Variants in EPS8L1 observed in about 807,000 individuals in gnomAD.
The protein encoded by EPS8L1 is epidermal growth factor receptor kinase substrate 8-like protein 1.
Under a neutral mutation model 91.7 loss-of-function variants are expected in EPS8L1, and 101 were observed. The observed-to-expected ratio is 1.10, with a 90% CI of 0.94 to 1.30. The LOEUF is 1.30. EPS8L1 is among the 50% of genes most tolerant of loss of function. The probability of loss-of-function intolerance (pLI) is 0.00; values close to 1 mark genes in which losing one functional copy is unlikely to be tolerated. For missense variants in EPS8L1, 1,114 were observed against 1,017.0 expected (o/e 1.10, Z -1.30); for synonymous variants, 506 against 445.3 (o/e 1.14, Z -1.72).
rs1387737879 is a variant in EPS8L1 at position 55,085,688 on chromosome 19, T to C, written c.1386-153T>C. On this transcript the variant is annotated intron_variant, in intron 14 of 19. Transcript: ENST00000201647. ...ACGGAGGGAGCAAATATATTCAGTC[T>C]GTTATTCTTGTTTCAAATTTCTATT... The C allele has an allele frequency of 5.8e-6, 5 of 866,206 alleles. No individual in the cohort carries two copies. The African/African-American group carries it at 8.4e-5, about 15-fold the overall frequency. 53.7% of individuals were successfully genotyped at this position (866,206 alleles called of 1,614,324 possible).
rs1019152509 is a variant in EPS8L1, at chr19:55,081,248, T to C, written c.530T>C (p.Leu177Ser). 1.1e-5 allele frequency: 17 copies of C among 1,517,864 alleles called. No homozygotes were observed. Among genetic ancestry groups the C allele is most frequent in the East Asian group, 9.5e-5 (4 of 41,976 alleles). 94.0% of individuals were successfully genotyped at this position (1,517,864 alleles called of 1,614,324 possible). ...CTCCGCAGGGCCACGCAGGAGGAGT[T>C]GCAGCGCGACCGCTCGCCCGCCGCT... is the stretch of plus-strand genomic sequence containing the variant. ...AAALRATQEELQRDRSPAAET... is the reference protein window; with the variant it reads ...AAALRATQEESQRDRSPAAET... The change falls in exon 8 of 20, where the codon TTG becomes TCG. Residue 177 changes from leucine (L) to serine (S), a missense_variant. Coordinates refer to ENST00000201647, the MANE Select transcript of EPS8L1 (RefSeq NM_133180.3). This position sits in a 1 kb window ranked among gnomAD's most constrained non-coding sequence, Gnocchi z 4.9.
intron 16 of EPS8L1, 99 bp downstream of exon 16, chr19:55,086,291 A>T (rs1436591053): frequency 6.2e-7 from 1 of 1,611,794 alleles, no homozygotes; most frequent in Non-Finnish European, 8.5e-7. Flanking sequence ...GTGCTGGAGC[A>T]GGTGGTGACT....
chr19:55,078,137 G>C lies in EPS8L1; in HGVS notation c.58+9G>C, dbSNP rs751434817. The C allele has an allele frequency of 3.1e-6, 5 of 1,613,164 alleles. No homozygotes were observed. Among genetic ancestry groups the C allele is most frequent in the Non-Finnish European group, 4.2e-6 (5 of 1,179,600 alleles). On this transcript the variant is annotated intron_variant, in intron 3 of 19. Coordinates refer to ENST00000201647, the MANE Select transcript of EPS8L1 (RefSeq NM_133180.3). ...CGCCAAGTCTATCTATGGTGAGCGG[G>C]GGGCAAGGGAGCCCCAGGCCCATAG... is the stretch of plus-strand genomic sequence containing the variant.
intron 5 of EPS8L1, 129 bp downstream of exon 5, chr19:55,079,980 C>T (rs1568780498): frequency 1.4e-6 from 2 of 1,431,614 alleles, no homozygotes; most frequent in South Asian, 1.4e-5. Flanking sequence ...CCTTCTTGAG[C>T]CTTAATAGCC....
In EPS8L1 at chr19:55,086,147, C is replaced by T. The variant is rs376829963; in HGVS notation, c.1605C>T (p.Tyr535=). The change falls in exon 16 of 20, where the codon TAC becomes TAT. Residue 535 remains tyrosine (Y), a synonymous_variant. Transcript: ENST00000201647. The stretch of plus-strand genomic sequence containing the variant: ...TGCCCTACAACATCCTGACACCCTA[C>T]CCCGGACCCCGGCTGCACCACAGCC... ...GYVPYNILTP[Y]PGPRLHHSQS... is the part of the protein sequence containing the mutation. 2.7e-5 allele frequency: 44 copies of T among 1,606,044 alleles called. No homozygotes were observed. In the African/African-American group the frequency reaches 4.8e-4, roughly 18 times the overall value.
At chr19:55,086,637 C>CCCCCCCCCCCCCCCCCGGGG in intron 17 of EPS8L1, 77 bp from the exon 18 acceptor site, 6 of 1,374,354 alleles carry the variant, frequency 4.4e-6, no homozygotes, top group African/African-American at 1.4e-5. Context: ...GCTGGAGCGC[C>CCCCCCCCCCCCCCCCCGGGG]CCCCCGCCCC....
Position 55,087,617 on chromosome 19 carries a change from T to C in EPS8L1, c.*3T>C. On this transcript the variant is annotated 3_prime_UTR_variant, in exon 20 of 20. Transcript: ENST00000201647. Reference sequence around the variant, plus strand: ...AGGTGGAAATGGAGGTCATTTGACCTGCCAGGCGCCCTTCGCAAAGAGTGA... The same window carrying C: ...AGGTGGAAATGGAGGTCATTTGACCCGCCAGGCGCCCTTCGCAAAGAGTGA... 1 of 1,614,094 alleles carries C rather than the reference T, an allele frequency of 6.2e-7. No homozygotes were observed. Among genetic ancestry groups the C allele is most frequent in the Non-Finnish European group, 8.5e-7 (1 of 1,179,986 alleles).
chr19:55,086,851 G>A lies in EPS8L1; in HGVS notation c.1915G>A (p.Val639Ile). Reference protein sequence around the residue: ...QLSPGSDASEVRAWLQAKGFS... With the variant: ...QLSPGSDASEIRAWLQAKGFS... ...CAGCCCGGGCTCGGACGCCTCCGAG[G>A]TCCGCGCCTGGCTGCAGGCCAAGGG... Residue 639 changes from valine to isoleucine, a missense_variant, in exon 18 of 20, where the codon GTC becomes ATC. Physicochemically the swap from Val to Ile is conservative, Grantham distance 29. Transcript: ENST00000201647. 3.4e-6 allele frequency: 5 copies of A among 1,489,386 alleles called. No homozygotes were observed. Among genetic ancestry groups the A allele is most frequent in the Non-Finnish European group, 4.4e-6 (5 of 1,125,392 alleles). The allele number at this position is 1,489,386 out of a possible 1,614,324, so 92.3% of individuals were successfully genotyped here.
At chr19:55,079,592 G>A (rs546030653) in intron 4 of EPS8L1, 98 bp from the exon 5 acceptor site, 14 of 1,410,702 alleles carry the variant, frequency 9.9e-6, no homozygotes, top group South Asian at 1.4e-5. Context: ...TGGAGGAGGT[G>A]TGGTTAGTCT....
At chr19:55,086,618 T>G (rs1345026817) in intron 17 of EPS8L1, 96 bp from the exon 18 acceptor site, 1 of 1,529,732 alleles carries the variant, frequency 6.5e-7, no homozygotes, top group African/African-American at 1.4e-5. Context: ...CCCGTCCCAT[T>G]CTGGGGACGC....
chr19:55,082,367 C>T lies in EPS8L1; in HGVS notation c.1065+18C>T. ...TGCAGATGGTGAGACCCGCCCCAGG[C>T]CCTCGGGCCCCCCTGCAGCGGGAGG... On this transcript the variant is annotated intron_variant, in intron 11 of 19. Coordinates refer to ENST00000201647, the MANE Select transcript of EPS8L1 (RefSeq NM_133180.3). 1 of 1,612,600 alleles carries T rather than the reference C, an allele frequency of 6.2e-7. No individual in the cohort carries two copies. The highest frequency in any genetic ancestry group is 8.5e-7 in the Non-Finnish European group (1 of 1,179,786).
chr19:55,081,811 T>C lies in EPS8L1; in HGVS notation c.813T>C (p.Phe271=). Residue 271 remains phenylalanine, a synonymous_variant, in exon 9 of 20, where the codon TTT becomes TTC. Coordinates refer to ENST00000201647, the MANE Select transcript of EPS8L1 (RefSeq NM_133180.3). This position sits in a 1 kb window ranked among gnomAD's most constrained non-coding sequence, Gnocchi z 4.9. ...ACGTGTTCGACGACGTAGAGAGCTT[T>C]GTATCGAGGCTGCAGAAGTCGGCGG... ...LNHVFDDVES[F]VSRLQKSAEA... 6.2e-7 allele frequency: 1 copy of C among 1,612,552 alleles called. No individual in the cohort carries two copies. Among genetic ancestry groups the C allele is most frequent in the Non-Finnish European group, 8.5e-7 (1 of 1,179,048 alleles).
rs1225145548 is a variant in EPS8L1, at chr19:55,086,407, C to G, written c.1666C>G (p.Pro556Ala). The G allele has an allele frequency of 5.7e-6, 9 of 1,568,202 alleles. No homozygotes were observed. In the Admixed American group the frequency reaches 7.6e-5, roughly 13 times the overall value. Reference protein sequence around the residue: ...PARSLNSTPPPPPAPAPAPPP... With the variant: ...PARSLNSTPPAPPAPAPAPPP... ...TTCCTTTCAGAACAGCACTCCTCCTCCACCACCAGCCCCAGCCCCGGCCCC... is the reference window on the plus strand; with the variant it reads ...TTCCTTTCAGAACAGCACTCCTCCTGCACCACCAGCCCCAGCCCCGGCCCC... The change falls in exon 17 of 20, where the codon CCA (proline) becomes GCA (alanine). Residue 556 changes from proline (P) to alanine (A), a missense_variant. By Grantham distance (27) the Pro-to-Ala change is conservative (BLOSUM62 -1). Coordinates refer to ENST00000201647, the MANE Select transcript of EPS8L1 (RefSeq NM_133180.3).
intron 18 of EPS8L1, 160 bp from the exon 19 acceptor site, chr19:55,087,143 A>T (rs2076361486): frequency 8.3e-7 from 1 of 1,205,034 alleles, no homozygotes; most frequent in Non-Finnish European, 1.1e-6. Context: ...CCGGGTGGCA[A>T]CATTGTGATT....
At position 55,080,802 on chromosome 19, in the gene EPS8L1, G is replaced by A. The variant is rs374717243; in HGVS notation, c.460G>A (p.Ala154Thr). Residue 154 changes from alanine (A) to threonine (T), a missense_variant, in exon 7 of 20, where the codon GCT (alanine) becomes ACT (threonine). Ala to Thr is a moderately conservative substitution (Grantham distance 58). Transcript: ENST00000201647. ...AELIREDIQG[A>T]LHNYRSGRGE... ...GCTGATCCGAGAGGACATCCAGGGG[G>A]CTCTGCACAATTACCGCTCGGGCCG... The A allele has an allele frequency of 7.6e-5, 123 of 1,611,984 alleles. No individual in the cohort carries two copies. Among genetic ancestry groups the A allele is most frequent in the Non-Finnish European group, 9.5e-5 (112 of 1,179,216 alleles).
Position 55,081,339 on chromosome 19 carries a change from G to A in EPS8L1, c.621G>A (p.Ala207=), listed in dbSNP as rs768349344. ...TGATCAGCACCGTAGAGCGGGGCGC[G>A]GGCCGCGGACGACCCCAGGCGAAGC... The part of the protein sequence containing the change: ...RAVISTVERG[A]GRGRPQAKPI... The change falls in exon 8 of 20, where the codon GCG becomes GCA. Residue 207 remains alanine (A), a synonymous_variant. Coordinates refer to ENST00000201647, the MANE Select transcript of EPS8L1 (RefSeq NM_133180.3). The surrounding 1 kb of genome is among the most constrained non-coding windows in gnomAD (Gnocchi z 4.9). 4 of 1,558,332 alleles carry A rather than the reference G, an allele frequency of 2.6e-6. No homozygotes were observed. The highest frequency in any genetic ancestry group is 3.5e-6 in the Non-Finnish European group (4 of 1,156,998).
intron 2 of EPS8L1, among the ~76,000 whole-genome samples, chr19:55,077,707 G>C (rs2076157881): frequency 6.8e-6 from 1 of 146,442 alleles, no homozygotes; most frequent in African/African-American, 2.5e-5. Flanking sequence ...TCCTGCCTCA[G>C]CCTCCCACGT....
intron 16 of EPS8L1, 68 bp downstream of exon 16, chr19:55,086,260 C>G: frequency 1.9e-6 from 3 of 1,606,536 alleles, no homozygotes; most frequent in Non-Finnish European, 2.6e-6. Context: ...GAACAAGGGG[C>G]GTGGGGATCA....
At position 55,078,118 on chromosome 19, in the gene EPS8L1, GTCTA is replaced by G. The variant is rs2076168309; in HGVS notation, c.54_57del (p.Ile18MetfsTer24). ...AAGCTGCCCCAAAGCCAAGCGCCAA[GTCTA>G]TCTATGGTGAGCGGGGGGCAAGGGA... On this transcript the variant is annotated frameshift_variant, in exon 3 of 20. Transcript: ENST00000201647. LOFTEE classifies it high-confidence loss of function. 6.2e-7 allele frequency: 1 copy of G among 1,613,536 alleles called. No individual in the cohort carries two copies. The highest frequency in any genetic ancestry group is 1.3e-5 in the African/African-American group (1 of 74,868).
Sources: allele counts gnomAD v4.1 joint callset (sites outside exome capture counted in the v4.1 genomes callset), GRCh38; gene constraint gnomAD v4.1.1; non-coding constraint Gnocchi (gnomAD v3.1); transcripts MANE v1.5; gene names NCBI Gene and HGNC (gene_info 2026-07-23, HGNC 2026-07-21).